TRPM7: variants seen among roughly 807,000 people sequenced by gnomAD.
TRPM7 encodes LTRPC ion channel family member 7.
A neutral mutation model predicts 229.7 loss-of-function variants in TRPM7; 134 were observed. That is an observed-to-expected ratio of 0.58 (90% CI 0.51 to 0.67). TRPM7 has a LOEUF of 0.67. Among genes scored for constraint, TRPM7 ranks in the 30% least tolerant of loss-of-function variants. TRPM7 has a pLI of 0.00. For missense variants in TRPM7, 1,901 were observed against 2,210.0 expected, an observed-to-expected ratio of 0.86 and a Z score of 2.80; for synonymous variants, 699 against 715.2, an observed-to-expected ratio of 0.98 and a Z score of 0.36.
chr15:50,597,221 A>T (rs1412976472), intron 22 of TRPM7, among the ~76,000 whole-genome samples: 1 of 152,220 alleles, frequency 6.6e-6, no homozygotes, highest in Non-Finnish European at 1.5e-5. Context: ...AAGCCAGAAC[A>T]TAGCTAATTA....
At position 50,591,932 on chromosome 15, in the gene TRPM7, T is replaced by C. The variant is rs779061194; in HGVS notation, c.4303A>G (p.Thr1435Ala). Residue 1435 changes from threonine (T) to alanine (A), a missense_variant, in exon 26 of 39, where the codon ACA (threonine) becomes GCA (alanine). By Grantham distance (58) the Thr-to-Ala change is moderately conservative. Coordinates refer to ENST00000646667, the MANE Select transcript of TRPM7 (RefSeq NM_017672.6). ...TTACCTACAAATGCTCCAAATTCTG[T>C]ATTATCTCCTTCTGTAGCTTTAGAG... is the stretch of plus-strand genomic sequence containing the variant. ...VCSKATEGDNTEFGAFVGHRD... is the reference protein window; with the variant it reads ...VCSKATEGDNAEFGAFVGHRD... 13 of 1,575,890 alleles carry C rather than the reference T, an allele frequency of 8.2e-6. No individual in the cohort carries two copies. In the South Asian group the frequency reaches 1.4e-4, roughly 18 times the overall value.
intron 4 of TRPM7, among the ~76,000 whole-genome samples, chr15:50,645,369 C>CT (rs375721607): frequency 0.031 from 4,575 of 147,328 alleles, 241 homozygotes; most frequent in African/African-American, 0.11. Flanking sequence ...AGGATTTGTT[C>CT]TTTTTTTTTT....
At chr15:50,586,007 AGAGTGT>A (rs2059333647) in intron 28 of TRPM7, among the ~76,000 whole-genome samples, 1 of 103,060 alleles carries the variant, frequency 9.7e-6, no homozygotes, top group Non-Finnish European at 2.4e-5. Context: ...GAAAATTTTC[AGAGTGT>A]GTGTATTTTA....
chr15:50,635,378 A>C (rs1475889830), intron 7 of TRPM7, among the ~76,000 whole-genome samples: 1 of 149,830 alleles, frequency 6.7e-6, no homozygotes, highest in Non-Finnish European at 1.5e-5. Flanking sequence ...AAGGTTTGTA[A>C]AAAAGAAAAA....
intron 31 of TRPM7, among the ~76,000 whole-genome samples, chr15:50,578,298 A>AC (rs2140290720): frequency 6.6e-6 from 1 of 152,354 alleles, no homozygotes; most frequent in African/African-American, 2.4e-5. Flanking sequence ...ATGCAATAGG[A>AC]CTTTGTGAGT....
At chr15:50,612,160 A>G (rs1384574267) in intron 16 of TRPM7, among the ~76,000 whole-genome samples, 1 of 152,158 alleles carries the variant, frequency 6.6e-6, no homozygotes, top group Non-Finnish European at 1.5e-5. Flanking sequence ...GCATGATCAC[A>G]GCTCACTGCA....
intron 2 of TRPM7, among the ~76,000 whole-genome samples, chr15:50,661,612 A>C (rs1272460203): frequency 1.3e-5 from 2 of 152,212 alleles, no homozygotes; most frequent in African/African-American, 2.4e-5. Context: ...TTTACTACAT[A>C]TCCACTATAA....
Position 50,624,261 on chromosome 15 carries a change from T to C in TRPM7, c.1345A>G (p.Met449Val), listed in dbSNP as rs1392590250. 2 of 1,612,130 alleles carry C rather than the reference T, an allele frequency of 1.2e-6. No individual in the cohort carries two copies. The highest frequency in any genetic ancestry group is 1.7e-6 in the Non-Finnish European group (2 of 1,179,144). ...AGTTTTACAAATGCAACTCTATCCA[T>C]TACAAGAGCATCAAGCATAGCTTGT... is the stretch of plus-strand genomic sequence containing the variant. ...LEQAMLDALV[M>V]DRVAFVKLLI... The change falls in exon 12 of 39, where the codon ATG becomes GTG. Residue 449 changes from methionine (M) to valine (V), a missense_variant. By Grantham distance (21) the Met-to-Val change is conservative (BLOSUM62 1). Coordinates refer to ENST00000646667, the MANE Select transcript of TRPM7 (RefSeq NM_017672.6).
chr15:50,679,681 G>A (rs117887762), intron 1 of TRPM7, among the ~76,000 whole-genome samples: 4,329 of 150,228 alleles, frequency 0.029, 97 homozygotes, highest in Non-Finnish European at 0.044. Flanking sequence ...GATTACAGGC[G>A]CACACCATCA....
chr15:50,614,573 G>C (rs995442876), intron 13 of TRPM7, among the ~76,000 whole-genome samples: 3 of 150,834 alleles, frequency 2.0e-5, no homozygotes, highest in Admixed American at 1.3e-4. Context: ...GCTGAGGCAG[G>C]AGAATTGCTT....
At chr15:50,671,385 T>C (rs1434816262) in intron 1 of TRPM7, among the ~76,000 whole-genome samples, 1 of 152,190 alleles carries the variant, frequency 6.6e-6, no homozygotes, top group Non-Finnish European at 1.5e-5. Context: ...AAAAACAGAA[T>C]TTCCTTCTTT....
rs573797990 is a variant in TRPM7 at position 50,636,017 on chromosome 15, T to G, written c.832+1405A>C. Among the ~76,000 whole-genome samples the G allele has an allele frequency of 2.2e-4, 33 of 151,598 alleles. 1 individual carries two copies. The South Asian group carries it at 6.0e-3, about 28-fold the overall frequency. On this transcript the variant is annotated intron_variant, in intron 7 of 38. Coordinates refer to ENST00000646667, the MANE Select transcript of TRPM7 (RefSeq NM_017672.6). The stretch of plus-strand genomic sequence containing the variant: ...AAAAATTAAAAATTAAAGAAGAAAT[T>G]GATGACAGAATTACATAACTGGAAC...
intron 7 of TRPM7, among the ~76,000 whole-genome samples, chr15:50,634,819 T>C (rs964971510): frequency 2.0e-5 from 3 of 152,172 alleles, no homozygotes; most frequent in Non-Finnish European, 4.4e-5. Flanking sequence ...GAAAATCCAA[T>C]ATATAATAGA....
intron 1 of TRPM7, among the ~76,000 whole-genome samples, chr15:50,677,810 T>C (rs1443275046): frequency 7.1e-6 from 1 of 140,574 alleles, no homozygotes; most frequent in Non-Finnish European, 1.5e-5. Context: ...ATGTCCAATA[T>C]ACACTCCAAA....
intron 1 of TRPM7, among the ~76,000 whole-genome samples, chr15:50,668,234 T>C (rs2061924476): frequency 6.6e-6 from 1 of 152,170 alleles, no homozygotes; most frequent in African/African-American, 2.4e-5. Flanking sequence ...TTCAGGACTG[T>C]CATGGAGGGC....
At chr15:50,639,805 G>T (rs1187466325) in intron 5 of TRPM7, among the ~76,000 whole-genome samples, 4 of 150,118 alleles carry the variant, frequency 2.7e-5, no homozygotes, top group African/African-American at 9.8e-5. Context: ...GCCTCCCAAA[G>T]TTCTGGGATT....
Position 50,569,876 on chromosome 15 carries a change from A to G in TRPM7, c.5467+11T>C, listed in dbSNP as rs1248652200. 4 of 1,587,324 alleles carry G rather than the reference A, an allele frequency of 2.5e-6. No homozygotes were observed. The highest frequency in any genetic ancestry group is 3.4e-6 in the Non-Finnish European group (4 of 1,164,402). On this transcript the variant is annotated intron_variant, in intron 38 of 38. Coordinates refer to ENST00000646667, the MANE Select transcript of TRPM7 (RefSeq NM_017672.6). ...CAATTTATATACTATACTGATTAAGAAATTTTTTACCTGGAAGTTTAAGCT... is the reference window on the plus strand; with the variant it reads ...CAATTTATATACTATACTGATTAAGGAATTTTTTACCTGGAAGTTTAAGCT...
chr15:50,582,004 C>T (rs781616331), intron 29 of TRPM7, among the ~76,000 whole-genome samples: 1 of 152,092 alleles, frequency 6.6e-6, no homozygotes, highest in Non-Finnish European at 1.5e-5. Flanking sequence ...ACTCTGAAGC[C>T]CAGGCTGGAG....
chr15:50,581,014 CA>C, intron 29 of TRPM7, 106 bp from the exon 30 acceptor site: 3 of 1,014,468 alleles, frequency 3.0e-6, no homozygotes, highest in East Asian at 2.5e-5. Flanking sequence ...AATGAAAGGC[CA>C]AAAAACTAAC....
Sources: gnomAD v4.1 joint callset for allele counts (sites outside exome capture counted in the v4.1 genomes callset) on GRCh38, gnomAD v4.1.1 for gene constraint, MANE v1.5 for transcripts, NCBI Gene and HGNC (gene_info 2026-07-23, HGNC 2026-07-21) for gene names.